The following NUBPL variants were observed in gnomAD, a reference collection of about 807,000 sequenced individuals.
The protein encoded by NUBPL is iron-sulfur cluster transfer protein NUBPL.
NUBPL carries 31 observed loss-of-function variants against 45.7 expected under a neutral mutation model. The ratio of observed to expected loss-of-function variants is 0.68; its 90% CI spans 0.51 to 0.92. The LOEUF (loss-of-function observed/expected upper bound fraction) is 0.92, where lower values mean the gene tolerates loss of function less well. NUBPL is among the 40% of genes least tolerant of loss of function. NUBPL has a pLI of 0.00. For missense variants in NUBPL, 401 were observed against 398.7 expected (o/e 1.01, Z -0.05); for synonymous variants, 144 against 140.9 (o/e 1.02, Z -0.15).
At chr14:31,660,419 C>T (rs2036242336) in intron 4 of NUBPL, among the ~76,000 whole-genome samples, 1 of 152,110 alleles carries the variant, frequency 6.6e-6, no homozygotes, top group Non-Finnish European at 1.5e-5. Context: ...ACCTTGGTTT[C>T]AGAAAGGAAG....
intron 6 of NUBPL, among the ~76,000 whole-genome samples, chr14:31,741,096 C>A (rs2038273751): frequency 6.6e-6 from 1 of 152,158 alleles, no homozygotes; most frequent in South Asian, 2.1e-4. Flanking sequence ...AGTATTATTG[C>A]CATGTCAGTG....
At chr14:31,566,366 G>C (rs2033433694) in intron 3 of NUBPL, among the ~76,000 whole-genome samples, 1 of 152,044 alleles carries the variant, frequency 6.6e-6, no homozygotes, top group South Asian at 2.1e-4. Context: ...AGCATAAAAG[G>C]ACTTTTAGGG....
At chr14:31,735,121 A>T (rs1050210120) in intron 6 of NUBPL, among the ~76,000 whole-genome samples, 4 of 152,180 alleles carry the variant, frequency 2.6e-5, no homozygotes, top group African/African-American at 4.8e-5. Context: ...ACAATTAAAA[A>T]TGTCTGTAGA....
chr14:31,739,240 C>CTA (rs1329640789), intron 6 of NUBPL, among the ~76,000 whole-genome samples: 1 of 100,624 alleles, frequency 9.9e-6, no homozygotes, highest in African/African-American at 5.5e-5. Flanking sequence ...ATATTATATT[C>CTA]TATATATATA....
chr14:31,857,256 G>A (rs1274340319), intron 10 of NUBPL, among the ~76,000 whole-genome samples: 1 of 152,136 alleles, frequency 6.6e-6, no homozygotes, highest in Non-Finnish European at 1.5e-5. Context: ...GCCATGGCTG[G>A]AGCAGCTGAG....
chr14:31,754,276 G>A (rs12878514), intron 6 of NUBPL, among the ~76,000 whole-genome samples: 4 of 152,198 alleles, frequency 2.6e-5, no homozygotes, highest in Admixed American at 6.5e-5. Context: ...AATTATCACC[G>A]ACTTCTAATA....
At chr14:31,788,726 T>C (rs879919261) in intron 7 of NUBPL, among the ~76,000 whole-genome samples, 3 of 152,186 alleles carry the variant, frequency 2.0e-5, no homozygotes, top group Non-Finnish European at 4.4e-5. Flanking sequence ...TATTTCAGGA[T>C]GTTCCTTTCT....
chr14:31,756,858 A>T (rs1178139829), intron 6 of NUBPL, among the ~76,000 whole-genome samples: 2 of 150,506 alleles, frequency 1.3e-5, no homozygotes, highest in East Asian at 3.9e-4. Flanking sequence ...AGCTCTTATT[A>T]TTTTGAGATA....
chr14:31,597,663 C>T (rs1224571813), intron 3 of NUBPL, among the ~76,000 whole-genome samples: 1 of 152,028 alleles, frequency 6.6e-6, no homozygotes, highest in East Asian at 1.9e-4. Context: ...TATTGTAAAA[C>T]CAGCATTGAT....
At chr14:31,743,025 G>T (rs964555425) in intron 6 of NUBPL, among the ~76,000 whole-genome samples, 9 of 151,882 alleles carry the variant, frequency 5.9e-5, no homozygotes, top group Non-Finnish European at 1.3e-4. Context: ...TGTATTTCAG[G>T]GTATTACTTT....
In NUBPL at chr14:31,859,677, A is replaced by C. The variant is rs1179211841; in HGVS notation, c.*497A>C. 5.8e-6 allele frequency: 1 copy of C among 172,780 alleles called. No individual in the cohort carries two copies. The highest frequency in any genetic ancestry group is 1.3e-5 in the Non-Finnish European group (1 of 79,220). The allele number at this position is 172,780 out of a possible 1,614,324, so 10.7% of individuals were successfully genotyped here. A position where few individuals can be genotyped will look rare whatever the true frequency, so the allele number is the denominator to read the frequency against. ...TCATCTGGATCACACTATACCCCAG[A>C]CTTAATGAATTTCAGTCTCCAGGAG... On this transcript the variant is annotated 3_prime_UTR_variant, in exon 11 of 11. Coordinates refer to ENST00000281081, the MANE Select transcript of NUBPL (RefSeq NM_025152.3).
At chr14:31,567,656 AG>A (rs1433168285) in intron 3 of NUBPL, among the ~76,000 whole-genome samples, 7 of 152,196 alleles carry the variant, frequency 4.6e-5, no homozygotes, top group Admixed American at 1.3e-4. Flanking sequence ...TCCAAAAAAA[AG>A]GTTGTACCAT....
At chr14:31,859,088 T>C (rs752264871) in intron 10 of NUBPL, 30 bp from the exon 11 acceptor site, 2 of 1,601,450 alleles carry the variant, frequency 1.2e-6, no homozygotes, top group African/African-American at 1.3e-5. Flanking sequence ...TGAAGAGAAA[T>C]ACAGAACAAA....
chr14:31,760,547 A>G (rs1296992322), intron 6 of NUBPL, among the ~76,000 whole-genome samples: 1 of 152,108 alleles, frequency 6.6e-6, no homozygotes, highest in Non-Finnish European at 1.5e-5. Context: ...TTTAGATTCC[A>G]TATATAAGTG....
intron 6 of NUBPL, among the ~76,000 whole-genome samples, chr14:31,701,306 A>C (rs1163220573): frequency 1.3e-5 from 2 of 152,180 alleles, no homozygotes; most frequent in African/African-American, 4.8e-5. Context: ...TTGTAAATGC[A>C]CCAGTCAGCA....
chr14:31,619,050 T>C (rs1425377041), intron 4 of NUBPL, among the ~76,000 whole-genome samples: 1 of 152,196 alleles, frequency 6.6e-6, no homozygotes, highest in Non-Finnish European at 1.5e-5. Flanking sequence ...AATGTCCTTG[T>C]TTCTTTTGAT....
At chr14:31,759,641 C>CT (rs1303515593) in intron 6 of NUBPL, among the ~76,000 whole-genome samples, 2 of 151,676 alleles carry the variant, frequency 1.3e-5, no homozygotes, top group Non-Finnish European at 2.9e-5. Context: ...GATTTTTCAA[C>CT]TTTACCATGG....
intron 4 of NUBPL, among the ~76,000 whole-genome samples, chr14:31,639,935 G>A (rs752097748): frequency 2.0e-5 from 3 of 152,128 alleles, no homozygotes; most frequent in South Asian, 2.1e-4. Context: ...TAAGCCCGTT[G>A]GAAAAGCGCA....
At chr14:31,857,331 T>C (rs950213535) in intron 10 of NUBPL, among the ~76,000 whole-genome samples, 1 of 152,080 alleles carries the variant, frequency 6.6e-6, no homozygotes, top group Non-Finnish European at 1.5e-5. Context: ...CCAGAAAAAT[T>C]ATATTTTCCT....
Sources: gnomAD v4.1 joint callset for allele counts (sites outside exome capture counted in the v4.1 genomes callset) on GRCh38, gnomAD v4.1.1 for gene constraint, MANE v1.5 for transcripts, NCBI Gene and HGNC (gene_info 2026-07-23, HGNC 2026-07-21) for gene names.